Variants in ZNF33A observed in about 807,000 individuals in gnomAD.
ZNF33A encodes the protein brain my041 protein.
In ZNF33A, 9 loss-of-function variants were observed where a neutral mutation model predicts 15.9. That is an observed-to-expected ratio of 0.57 (90% CI 0.34 to 0.99). The LOEUF (loss-of-function observed/expected upper bound fraction) is 0.99. Ranked by LOEUF, ZNF33A falls within the 50% of genes least tolerant of loss-of-function variation. The pLI, the probability that ZNF33A is intolerant of heterozygous loss-of-function variation, is 0.02. For synonymous variants in ZNF33A, 294 were observed against 324.2 expected (o/e 0.91, Z 1.00); for missense variants, 843 against 941.6 (o/e 0.90, Z 1.37).
At chr10:38,050,324 C>G (rs2135739650) in intron 4 of ZNF33A, among the ~76,000 whole-genome samples, 1 of 152,300 alleles carries the variant, frequency 6.6e-6, no homozygotes, top group Middle Eastern at 3.4e-3. Context: ...TAATCCCTGG[C>G]AGGCTTTTTC....
Position 38,057,657 on chromosome 10 carries a change from C to T in ZNF33A, c.*1097C>T. On this transcript the variant is annotated 3_prime_UTR_variant, in exon 5 of 5. Coordinates refer to ENST00000432900, the MANE Select transcript of ZNF33A (RefSeq NM_006954.2). ...TTATCTAAAAAAAATCTATCCTGTA[C>T]ATGTGAAGATCTAGGCTCGCCTCCA... 1 of 985,430 alleles carries T rather than the reference C, an allele frequency of 1.0e-6. No homozygotes were observed. The highest frequency in any genetic ancestry group is 1.2e-6 in the Non-Finnish European group (1 of 829,916). 61.0% of individuals were successfully genotyped at this position (985,430 alleles called of 1,614,324 possible).
intron 4 of ZNF33A, among the ~76,000 whole-genome samples, 181 bp from the exon 5 acceptor site, chr10:38,054,188 GGTTTTT>G (rs147019448): frequency 0.01 from 1,590 of 152,104 alleles, 32 homozygotes; most frequent in African/African-American, 0.036. Flanking sequence ...TTTTGTTTCT[GGTTTTT>G]GTTTTTGTTT....
intron 4 of ZNF33A, among the ~76,000 whole-genome samples, chr10:38,050,348 C>T (rs1218489511): frequency 6.6e-6 from 1 of 152,202 alleles, no homozygotes; most frequent in African/African-American, 2.4e-5. Flanking sequence ...ATTTGAAAAG[C>T]AGTCAGTGTA....
At chr10:38,029,589 G>A (rs2065127015) in intron 4 of ZNF33A, among the ~76,000 whole-genome samples, 1 of 152,140 alleles carries the variant, frequency 6.6e-6, no homozygotes, top group Admixed American at 6.5e-5. Context: ...TCTGTGGGGA[G>A]ACAGTTTGGA....
chr10:38,027,324 G>A (rs2065028379), intron 4 of ZNF33A, among the ~76,000 whole-genome samples: 1 of 151,528 alleles, frequency 6.6e-6, no homozygotes, highest in African/African-American at 2.4e-5. Context: ...GTATTCATAT[G>A]CATCATTCAT....
chr10:38,010,669 G>A, upstream of ZNF33A: 2 of 1,582,928 alleles, frequency 1.3e-6, no homozygotes, highest in South Asian at 1.1e-5. Context: ...CGCCGGCTAC[G>A]TCTGCGTTTC....
intron 2 of ZNF33A, 132 bp downstream of exon 2, chr10:38,012,482 A>G (rs540974208): frequency 9.3e-7 from 1 of 1,076,904 alleles, no homozygotes; most frequent in Admixed American, 2.8e-5. Flanking sequence ...CCCAGGCTGG[A>G]GTACAATGTC....
intron 4 of ZNF33A, among the ~76,000 whole-genome samples, chr10:38,036,714 C>T (rs916938670): frequency 2.0e-5 from 3 of 152,156 alleles, no homozygotes; most frequent in African/African-American, 7.2e-5. Flanking sequence ...CACTCTTACT[C>T]AACATCTCAT....
rs778431536 is a variant in ZNF33A, at chr10:38,059,517, C to T, written c.*2957C>T. ...TACAGCAGGATTGCAGGATACAGTC[C>T]TCAGGTAGATGATAAAAAGGAATTG... On this transcript the variant is annotated 3_prime_UTR_variant, in exon 5 of 5. Transcript: ENST00000432900. 16 of 152,112 alleles carry T rather than the reference C, an allele frequency of 1.1e-4. No individual in the cohort carries two copies. The highest frequency in any genetic ancestry group is 1.6e-4 in the Non-Finnish European group (11 of 68,030). The allele number at this position is 152,112 out of a possible 1,614,324, so 9.4% of individuals were successfully genotyped here.
intron 4 of ZNF33A, among the ~76,000 whole-genome samples, chr10:38,053,530 G>T (rs1455629233): frequency 2.6e-5 from 4 of 152,100 alleles, no homozygotes; most frequent in Admixed American, 2.0e-4. Context: ...CACACTGGAG[G>T]TTGGGGTTTT....
At chr10:38,063,002 C>CA (rs373779802), downstream of ZNF33A, among the ~76,000 whole-genome samples, 5,095 of 43,972 alleles carry the variant, frequency 0.12, 836 homozygotes, top group African/African-American at 0.13. Context: ...GACTCCATCT[C>CA]AAAAAAAAAA....
chr10:38,037,943 T>C (rs892785102), intron 4 of ZNF33A, among the ~76,000 whole-genome samples: 5 of 152,230 alleles, frequency 3.3e-5, no homozygotes, highest in Admixed American at 3.3e-4. Context: ...GTGTTGAGTT[T>C]AGGTATTAAT....
At chr10:38,015,159 G>A (rs762193303) in intron 2 of ZNF33A, among the ~76,000 whole-genome samples, 14 of 152,112 alleles carry the variant, frequency 9.2e-5, no homozygotes, top group Non-Finnish European at 1.9e-4. Context: ...ATAGATGTGA[G>A]CCACTGTGCC....
chr10:38,042,802 T>C (rs992626162), intron 4 of ZNF33A, among the ~76,000 whole-genome samples: 2 of 152,004 alleles, frequency 1.3e-5, no homozygotes, highest in African/African-American at 4.8e-5. Context: ...ATTCTCCTGC[T>C]TCAGCCTCCC....
At chr10:38,061,737 G>A (rs73246329), downstream of ZNF33A, among the ~76,000 whole-genome samples, 2,275 of 152,190 alleles carry the variant, frequency 0.015, 65 homozygotes, top group African/African-American at 0.052. Context: ...GGGGCGGCAG[G>A]ATCACTTGAG....
chr10:38,024,163 C>CCAAA (rs1554902706), intron 4 of ZNF33A, among the ~76,000 whole-genome samples: 1 of 93,218 alleles, frequency 1.1e-5, no homozygotes, highest in Non-Finnish European at 2.1e-5. Flanking sequence ...AAAAACAAAA[C>CCAAA]AAAAAAAAAA....
In ZNF33A at chr10:38,054,444, T is replaced by C. The variant is rs375601239; in HGVS notation, c.320T>C (p.Val107Ala). 1 of 1,608,882 alleles carries C rather than the reference T, an allele frequency of 6.2e-7. No individual in the cohort carries two copies. Among genetic ancestry groups the C allele is most frequent in the Non-Finnish European group, 8.5e-7 (1 of 1,178,428 alleles). ...ENQSKHLWEV[V>A]FINNEMLTKE... ...CAATCTAAACATTTGTGGGAAGTTG[T>C]ATTCATCAATAATGAAATGCTGACT... Residue 107 changes from valine to alanine, a missense_variant, in exon 5 of 5, where the codon GTA becomes GCA. Coordinates refer to ENST00000432900, the MANE Select transcript of ZNF33A (RefSeq NM_006954.2).
At chr10:38,015,251 C>T (rs890208719) in intron 2 of ZNF33A, among the ~76,000 whole-genome samples, 3 of 152,056 alleles carry the variant, frequency 2.0e-5, no homozygotes, top group African/African-American at 7.2e-5. Flanking sequence ...GCTTTGAACA[C>T]CACTATATTA....
intron 4 of ZNF33A, among the ~76,000 whole-genome samples, chr10:38,049,970 AAC>A (rs1442339371): frequency 6.6e-6 from 1 of 152,224 alleles, no homozygotes; most frequent in African/African-American, 2.4e-5. Context: ...TGATGAAATG[AAC>A]AGTTTCCTTC....
Sources: allele counts gnomAD v4.1 joint callset (sites outside exome capture counted in the v4.1 genomes callset), GRCh38; gene constraint gnomAD v4.1.1; transcripts MANE v1.5; gene names NCBI Gene and HGNC (gene_info 2026-07-23, HGNC 2026-07-21).